Variants in NBPF12 observed in about 807,000 individuals in gnomAD.
NBPF12 encodes NBPF family member NBPF12.
A neutral mutation model predicts 146.4 loss-of-function variants in NBPF12; 115 were observed. The observed-to-expected ratio is 0.79, with a 90% CI of 0.68 to 0.92. The LOEUF (loss-of-function observed/expected upper bound fraction) is 0.92. Among genes scored for constraint, NBPF12 ranks in the 40% least tolerant of loss-of-function variants. The pLI is 0.00. For synonymous variants in NBPF12, 385 were observed against 508.9 expected (o/e 0.76, Z 3.28); for missense variants, 1,205 against 1,326.8 (o/e 0.91, Z 1.43).
At chr1:146,959,375 C>A (rs1655737451) in intron 2 of NBPF12, among the ~76,000 whole-genome samples, 1 of 43,752 alleles carries the variant, frequency 2.3e-5, no homozygotes, top group African/African-American at 1.2e-4. Flanking sequence ...GTATTCCCAG[C>A]TACTTGGGAG....
intron 10 of NBPF12, among the ~76,000 whole-genome samples, chr1:146,969,099 A>T (rs1281675114): frequency 1.3e-5 from 2 of 151,252 alleles, no homozygotes; most frequent in Non-Finnish European, 2.9e-5. Context: ...AACTGAAAGG[A>T]TGTCTTTTTG....
chr1:146,941,048 CT>C lies in NBPF12; in HGVS notation c.-822+2067del, dbSNP rs1349456791. Among the ~76,000 whole-genome samples, 6 of 152,120 alleles carry C rather than the reference CT, an allele frequency of 3.9e-5. No homozygotes were observed. The East Asian group carries it at 1.2e-3, about 29-fold the overall frequency. The stretch of plus-strand genomic sequence containing the variant: ...TTTCAATCTGCAGCTTGCGTTTTCA[CT>C]CTTTTAATGATGTTTTTTCATGAAT... On this transcript the variant is annotated intron_variant, in intron 1 of 35. Coordinates refer to the NBPF12 transcript ENST00000617931.
chr1:146,965,184 A>G (rs1656109234), intron 8 of NBPF12, 80 bp downstream of exon 11: 2 of 849,038 alleles, frequency 2.4e-6, no homozygotes, highest in Non-Finnish European at 2.0e-6. Context: ...GTATATACAC[A>G]TATTGTTATT....
intron 5 of NBPF12, among the ~76,000 whole-genome samples, 200 bp from the exon 9 acceptor site, chr1:146,962,895 C>A (rs1408815835): frequency 5.3e-5 from 8 of 151,308 alleles, no homozygotes; most frequent in Non-Finnish European, 1.2e-4. Context: ...GAGGATCTTG[C>A]AGGAGCCCTC....
At chr1:146,992,621 C>G in intron 31 of NBPF12, 91 bp from the exon 35 acceptor site, 5 of 759,490 alleles carry the variant, frequency 6.6e-6, no homozygotes, top group South Asian at 5.4e-5. Flanking sequence ...CTTTTTTTAA[C>G]CACTTCCTTA....
At chr1:146,945,975 A>G (rs1655040961), upstream of NBPF12, among the ~76,000 whole-genome samples, 1 of 151,420 alleles carries the variant, frequency 6.6e-6, no homozygotes, top group African/African-American at 2.4e-5. Context: ...ACCCCTGACA[A>G]CCACTCATCG....
intron 31 of NBPF12, among the ~76,000 whole-genome samples, chr1:146,992,480 G>A (rs1456181200): frequency 4.0e-5 from 5 of 125,362 alleles, no homozygotes; most frequent in African/African-American, 1.6e-4. Context: ...GTGTGTGTGT[G>A]TGTGTGTGTG....
chr1:146,962,227 A>C (rs1655893829), exon 5 of NBPF12: 1 of 1,607,394 alleles, frequency 6.2e-7, no homozygotes, highest in South Asian at 1.1e-5. Flanking sequence ...AAGGAGGAGA[A>C]GCTTGCAGAG....
chr1:146,954,389 C>CAAAAA (rs1170420550), intron 2 of NBPF12, among the ~76,000 whole-genome samples: 113 of 23,994 alleles, frequency 4.7e-3, no homozygotes, highest in Non-Finnish European at 7.1e-3. Flanking sequence ...GACTCTGTCT[C>CAAAAA]AAAAAAAAAA....
At chr1:146,942,532 A>C (rs1553882940) in intron 1 of NBPF12, among the ~76,000 whole-genome samples, 15,717 of 151,386 alleles carry the variant, frequency 0.1, 1,143 homozygotes, top group Non-Finnish European at 0.15. Flanking sequence ...TAAATGAATG[A>C]ATGAATGAAC....
At position 146,977,581 on chromosome 1, in the gene NBPF12, A is replaced by T; in HGVS notation, c.2308A>T (p.Lys770Ter). 1 of 1,613,060 alleles carries T rather than the reference A, an allele frequency of 6.2e-7. No individual in the cohort carries two copies. Residue 770 changes from lysine (K) to a stop codon, truncating the protein, a stop_gained, in exon 18 of 34, where the codon AAA (lysine) becomes TAA (stop). Coordinates refer to ENST00000617844, the Ensembl canonical transcript of NBPF12. LOFTEE classifies it high-confidence loss of function. ...CTCCAACCAGCCACATAGGAAAACC[A>T]AAATCACATTTGAGGAAGACAAAGT...
rs782070607 is a variant in NBPF12, at chr1:146,994,312, A to T, written c.4131-20A>T. On this transcript the variant is annotated intron_variant, in intron 33 of 33. Coordinates refer to ENST00000617844, the Ensembl canonical transcript of NBPF12. ...TCTGACTTTCCCTGGCTGCTTCTTT[A>T]GTTTTGTCTCCTTTTCCAGGCTCAA... The T allele has an allele frequency of 1.2e-6, 2 of 1,611,386 alleles. No individual in the cohort carries two copies. Among genetic ancestry groups the T allele is most frequent in the Non-Finnish European group, 1.7e-6 (2 of 1,179,756 alleles).
chr1:146,967,423 C>A (rs1468856873), intron 9 of NBPF12, among the ~76,000 whole-genome samples: 2 of 150,396 alleles, frequency 1.3e-5, no homozygotes, highest in Non-Finnish European at 2.9e-5. Context: ...ATCCTTTGAA[C>A]CCAGGAGGCT....
At chr1:146,939,214 C>G (rs1319038751) in intron 1 of NBPF12, among the ~76,000 whole-genome samples, 1 of 152,072 alleles carries the variant, frequency 6.6e-6, no homozygotes, top group Non-Finnish European at 1.5e-5. Flanking sequence ...GGGGAAGAAA[C>G]TCCCTGGCGG....
At chr1:146,966,970 A>T (rs2101862620) in intron 9 of NBPF12, among the ~76,000 whole-genome samples, 1 of 150,892 alleles carries the variant, frequency 6.6e-6, no homozygotes, top group East Asian at 1.9e-4. Flanking sequence ...TGTTTTCAAG[A>T]ATCCTCTCTG....
At chr1:146,980,636 T>C (rs1218389103) in intron 19 of NBPF12, among the ~76,000 whole-genome samples, 3 of 152,104 alleles carry the variant, frequency 2.0e-5, no homozygotes, top group Admixed American at 2.0e-4. Flanking sequence ...ATGTTGAAGG[T>C]GCTGGAGAGG....
At position 146,971,693 on chromosome 1, in the gene NBPF12, G is replaced by A. The variant is rs1172061323; in HGVS notation, c.1591+299G>A. 1.5e-4 allele frequency among the ~76,000 whole-genome samples: 22 copies of A among 150,464 alleles called. No homozygotes were observed. In the East Asian group the frequency reaches 3.3e-3, roughly 23 times the overall value. On this transcript the variant is annotated intron_variant, in intron 13 of 33. Coordinates refer to ENST00000617844, the Ensembl canonical transcript of NBPF12. ...TAGTCCCAACTGCTCAGGAGACTTA[G>A]GTGGGAGGATCGGCTAACACGATCC...
At chr1:146,967,281 G>A (rs1202265646) in intron 9 of NBPF12, among the ~76,000 whole-genome samples, 1 of 150,720 alleles carries the variant, frequency 6.6e-6, no homozygotes, top group Admixed American at 6.6e-5. Context: ...GGCGAGTAGA[G>A]CACGAGGTCA....
rs1318719458 is a variant in NBPF12, at chr1:146,970,801, A to T, written c.1379+82A>T. On this transcript the variant is annotated intron_variant, in intron 12 of 33. Coordinates refer to ENST00000617844, the Ensembl canonical transcript of NBPF12. ...AGGCATGCCCTCTCTGGCATCTATGATGGGCCAAAAGCCCGCATTCCCTTG... is the reference window on the plus strand; with the variant it reads ...AGGCATGCCCTCTCTGGCATCTATGTTGGGCCAAAAGCCCGCATTCCCTTG... 71 of 1,152,608 alleles carry T rather than the reference A, an allele frequency of 6.2e-5. 1 individual carries two copies. The highest frequency in any genetic ancestry group is 9.1e-5 in the Non-Finnish European group (69 of 761,770). The allele number at this position is 1,152,608 out of a possible 1,614,324, so 71.4% of individuals were successfully genotyped here.
Sources: allele counts gnomAD v4.1 joint callset (sites outside exome capture counted in the v4.1 genomes callset), GRCh38; gene constraint gnomAD v4.1.1; transcripts MANE v1.5; gene names NCBI Gene and HGNC (gene_info 2026-07-23, HGNC 2026-07-21).